LARP1: variants seen among roughly 807,000 people sequenced by gnomAD.
LARP1 encodes the protein La ribonucleoprotein 1, translational regulator.
LARP1 carries 36 observed loss-of-function variants against 122.7 expected under a neutral mutation model. The ratio of observed to expected loss-of-function variants is 0.29; its 90% CI spans 0.22 to 0.39. The LOEUF is 0.39. Among genes scored for constraint, LARP1 ranks in the 10% least tolerant of loss-of-function variants. The pLI is 1.00. For missense variants in LARP1, 1,040 were observed against 1,403.6 expected, an observed-to-expected ratio of 0.74 and a Z score of 4.14; for synonymous variants, 539 against 528.7, an observed-to-expected ratio of 1.02 and a Z score of -0.27.
At chr5:154,764,904 C>CAA (rs57409005) in intron 1 of LARP1, among the ~76,000 whole-genome samples, 3 of 102,470 alleles carry the variant, frequency 2.9e-5, no homozygotes, top group South Asian at 2.9e-4. Context: ...GACTCCATCA[C>CAA]AAAAAAAAAA....
intron 1 of LARP1, among the ~76,000 whole-genome samples, chr5:154,698,083 G>A (rs932895588): frequency 3.3e-5 from 5 of 151,888 alleles, no homozygotes; most frequent in African/African-American, 1.2e-4. Flanking sequence ...AATCATCTGA[G>A]CCTTTAGCAA....
At chr5:154,761,695 T>G (rs1321609217) in intron 1 of LARP1, among the ~76,000 whole-genome samples, 1 of 152,144 alleles carries the variant, frequency 6.6e-6, no homozygotes, top group Non-Finnish European at 1.5e-5. Context: ...TTACCTTGCC[T>G]GGGATTCAAG....
At chr5:154,757,527 T>C (rs944801686) in intron 1 of LARP1, among the ~76,000 whole-genome samples, 28 of 152,082 alleles carry the variant, frequency 1.8e-4, no homozygotes, top group African/African-American at 6.8e-4. Flanking sequence ...TGATGGCCTC[T>C]GGTCGTAGCC....
At chr5:154,726,884 A>G (rs1229734168) in intron 1 of LARP1, among the ~76,000 whole-genome samples, 2 of 152,336 alleles carry the variant, frequency 1.3e-5, no homozygotes, top group East Asian at 3.9e-4. Flanking sequence ...AGCAGGGGAA[A>G]TGCCAGATAC....
At chr5:154,777,027 A>T (rs1287420274) in intron 1 of LARP1, among the ~76,000 whole-genome samples, 1 of 152,222 alleles carries the variant, frequency 6.6e-6, no homozygotes, top group Non-Finnish European at 1.5e-5. Context: ...TCATTAGTTG[A>T]TTTTGTCATC....
chr5:154,714,455 C>T (rs1419318768), intron 1 of LARP1, among the ~76,000 whole-genome samples: 2 of 152,138 alleles, frequency 1.3e-5, no homozygotes, highest in African/African-American at 4.8e-5. Context: ...TATTTTCTAA[C>T]GACTCGTGGG....
chr5:154,810,738 T>C (rs565434100), intron 16 of LARP1, among the ~76,000 whole-genome samples: 1 of 152,230 alleles, frequency 6.6e-6, no homozygotes, highest in East Asian at 1.9e-4. Flanking sequence ...CTGCGTGCCT[T>C]GGCCTCCCAA....
chr5:154,696,071 T>C (rs1754459115), intron 1 of LARP1, among the ~76,000 whole-genome samples: 1 of 151,852 alleles, frequency 6.6e-6, no homozygotes, highest in Admixed American at 6.6e-5. Flanking sequence ...CAAATACTCA[T>C]TGAGGCTGGG....
chr5:154,808,686 T>G, intron 16 of LARP1, 83 bp downstream of exon 16: 1 of 1,428,526 alleles, frequency 7.0e-7, no homozygotes, highest in Non-Finnish European at 9.5e-7. Context: ...AGAACTGTAG[T>G]TGGAAATTCC....
At chr5:154,783,348 C>CT (rs1324635425) in intron 1 of LARP1, among the ~76,000 whole-genome samples, 1 of 152,108 alleles carries the variant, frequency 6.6e-6, no homozygotes, top group African/African-American at 2.4e-5. Context: ...TTTCCCTTGC[C>CT]TCTCTGGGTA....
intron 18 of LARP1, among the ~76,000 whole-genome samples, chr5:154,812,042 A>G (rs1429209667): frequency 6.6e-6 from 1 of 152,216 alleles, no homozygotes; most frequent in African/African-American, 2.4e-5. Context: ...TTCTTGGAGC[A>G]GCGCCTCAAC....
chr5:154,741,026 C>G (rs910312728), intron 1 of LARP1, among the ~76,000 whole-genome samples: 1 of 152,178 alleles, frequency 6.6e-6, no homozygotes, highest in Admixed American at 6.6e-5. Context: ...GAACAGGTGG[C>G]TGTGCATGGA....
At chr5:154,779,177 G>A (rs780286751) in intron 1 of LARP1, among the ~76,000 whole-genome samples, 2 of 152,120 alleles carry the variant, frequency 1.3e-5, no homozygotes, top group Non-Finnish European at 2.9e-5. Flanking sequence ...GTTCAGGAAA[G>A]TGAGAGGTTA....
chr5:154,800,338 T>C (rs1360174568), intron 10 of LARP1, among the ~76,000 whole-genome samples: 2 of 152,242 alleles, frequency 1.3e-5, no homozygotes, highest in African/African-American at 2.4e-5. Context: ...TTCTTGATTC[T>C]TGGCTCTTCT....
chr5:154,746,331 A>G (rs1054712342), intron 1 of LARP1, among the ~76,000 whole-genome samples: 1 of 152,148 alleles, frequency 6.6e-6, no homozygotes, highest in Non-Finnish European at 1.5e-5. Context: ...GGCCAGTCTC[A>G]CCGTGTGACT....
In LARP1 at chr5:154,814,040, C is replaced by G; in HGVS notation, c.3235C>G (p.Arg1079Gly). The G allele has an allele frequency of 6.2e-7, 1 of 1,614,066 alleles. No homozygotes were observed. Among genetic ancestry groups the G allele is most frequent in the Non-Finnish European group, 8.5e-7 (1 of 1,180,012 alleles). ...PPTPPTGQPV[R>G]EDAKWTSQHS... ...TACACCACCCACCGGCCAGCCTGTC[C>G]GGGAAGATGCCAAATGGACAAGCCA... The change falls in exon 19 of 19, where the codon CGG (arginine) becomes GGG (glycine). Residue 1079 changes from arginine (R) to glycine (G), a missense_variant. Transcript: ENST00000518297.
rs1385282082 is a variant in LARP1 at position 154,814,890 on chromosome 5, AT to A, written c.*795del. On this transcript the variant is annotated 3_prime_UTR_variant, in exon 19 of 19. Transcript: ENST00000518297. ...AAGAAGAAAAAAGACAAAATCGACC[AT>A]AAAAGACCAAAAAAAAAAAAAAAAT... 4 of 151,522 alleles carry A rather than the reference AT, an allele frequency of 2.6e-5. No homozygotes were observed. Among genetic ancestry groups the A allele is most frequent in the African/African-American group, 9.8e-5 (4 of 40,946 alleles). 9.4% of individuals were successfully genotyped at this position (151,522 alleles called of 1,614,324 possible).
upstream of LARP1, among the ~76,000 whole-genome samples, chr5:154,709,832 A>G (rs942977119): frequency 3.9e-5 from 6 of 152,080 alleles, no homozygotes; most frequent in Non-Finnish European, 7.4e-5. Context: ...GGGTTTTGAT[A>G]TGAGTCTGCA....
At chr5:154,801,816 C>G (rs1469049859) in intron 10 of LARP1, among the ~76,000 whole-genome samples, 191 bp from the exon 11 acceptor site, 1 of 152,184 alleles carries the variant, frequency 6.6e-6, no homozygotes, top group Non-Finnish European at 1.5e-5. Flanking sequence ...ACCTGGACTT[C>G]TATGAAACAT....
Sources: allele counts gnomAD v4.1 joint callset (sites outside exome capture counted in the v4.1 genomes callset), GRCh38; gene constraint gnomAD v4.1.1; transcripts MANE v1.5; gene names NCBI Gene and HGNC (gene_info 2026-07-23, HGNC 2026-07-21).